SHC3: variants seen among roughly 807,000 people sequenced by gnomAD.
SHC3 encodes SHC-transforming protein 3.
Under a neutral mutation model 60.4 loss-of-function variants are expected in SHC3, and 15 were observed. The observed-to-expected ratio is 0.25, with a 90% CI of 0.17 to 0.38. The LOEUF is 0.38. Among genes scored for constraint, SHC3 ranks in the 10% least tolerant of loss-of-function variants. The pLI is 1.00. For missense variants in SHC3, 677 were observed against 786.1 expected, an observed-to-expected ratio of 0.86 and a Z score of 1.66; for synonymous variants, 294 against 325.9, an observed-to-expected ratio of 0.90 and a Z score of 1.05.
intron 1 of SHC3, among the ~76,000 whole-genome samples, chr9:89,133,965 G>A (rs2118175298): frequency 6.6e-6 from 1 of 152,134 alleles, no homozygotes; most frequent in South Asian, 2.1e-4. Context: ...ATGAGGCCTG[G>A]GGACATGTGA....
intron 1 of SHC3, among the ~76,000 whole-genome samples, chr9:89,131,323 A>G (rs1229450382): frequency 6.6e-6 from 1 of 152,234 alleles, no homozygotes; most frequent in Non-Finnish European, 1.5e-5. Context: ...AAATTCTACC[A>G]GAGGTACAAA....
At chr9:89,020,427 T>C (rs2150612) in intron 11 of SHC3, among the ~76,000 whole-genome samples, 68,893 of 151,792 alleles carry the variant, frequency 0.45, 17,465 homozygotes, top group East Asian at 0.84. Context: ...GTCTGACTTG[T>C]CATATTCATC....
In SHC3 at chr9:89,038,375, A is replaced by G. The variant is rs867171628; in HGVS notation, c.1361-87T>C. 243 of 1,400,016 alleles carry G rather than the reference A, an allele frequency of 1.7e-4. No homozygotes were observed. The Middle Eastern group carries it at 4.3e-3, about 25-fold the overall frequency. 86.7% of individuals were successfully genotyped at this position (1,400,016 alleles called of 1,614,324 possible). On this transcript the variant is annotated intron_variant, in intron 10 of 11. Coordinates refer to ENST00000375835, the MANE Select transcript of SHC3 (RefSeq NM_016848.6). ...AAAAAAAAAAAATACAGTGAGAGAG[A>G]TGGAAATGCAAAGGCAACTCCTCCA... is the stretch of plus-strand genomic sequence containing the variant.
In SHC3 at chr9:89,141,453, T is replaced by C. The variant is rs191398825; in HGVS notation, c.475-28827A>G. ...ACTTTATGAAGGAGATAAACAGTGATTTTTACCATTCATTCAACTGGTTTG... is the reference window on the plus strand; with the variant it reads ...ACTTTATGAAGGAGATAAACAGTGACTTTTACCATTCATTCAACTGGTTTG... On this transcript the variant is annotated intron_variant, in intron 1 of 11. Transcript: ENST00000375835. 3.9e-4 allele frequency among the ~76,000 whole-genome samples: 59 copies of C among 152,298 alleles called. 2 individuals carry two copies. Among genetic ancestry groups the C allele is most frequent in the Admixed American group, 3.5e-3 (53 of 15,294 alleles).
intron 2 of SHC3, among the ~76,000 whole-genome samples, chr9:89,092,143 T>C (rs1207646426): frequency 6.6e-6 from 1 of 152,224 alleles, no homozygotes; most frequent in African/African-American, 2.4e-5. Context: ...CTTTCCTAAA[T>C]TGCATGTGAT....
chr9:89,129,777 C>A (rs187553897), intron 1 of SHC3, among the ~76,000 whole-genome samples: 2,090 of 152,256 alleles, frequency 0.014, 19 homozygotes, highest in Middle Eastern at 0.037. Context: ...TTGAAAGGAA[C>A]AACCAGTACC....
At chr9:89,146,273 C>T (rs1297964259) in intron 1 of SHC3, among the ~76,000 whole-genome samples, 1 of 151,956 alleles carries the variant, frequency 6.6e-6, no homozygotes, top group Admixed American at 6.6e-5. Context: ...AGGAGACTCT[C>T]TGGAACCTGG....
chr9:89,036,737 T>C (rs1824584735), intron 11 of SHC3, among the ~76,000 whole-genome samples: 1 of 152,120 alleles, frequency 6.6e-6, no homozygotes, highest in Admixed American at 6.5e-5. Flanking sequence ...GTTTGCAAAC[T>C]TCTTTTTTCT....
chr9:89,131,284 A>C (rs1006909531), intron 1 of SHC3, among the ~76,000 whole-genome samples: 2 of 152,192 alleles, frequency 1.3e-5, no homozygotes, highest in Non-Finnish European at 2.9e-5. Flanking sequence ...CCAACCAAAA[A>C]AAGTCCAAGA....
chr9:89,130,218 A>C (rs1826224298), intron 1 of SHC3, among the ~76,000 whole-genome samples: 1 of 152,256 alleles, frequency 6.6e-6, no homozygotes, highest in Non-Finnish European at 1.5e-5. Flanking sequence ...AGAGCTAACT[A>C]TCCTAAATAT....
intron 1 of SHC3, among the ~76,000 whole-genome samples, chr9:89,176,659 TTAAAA>T (rs1377795044): frequency 2.6e-5 from 4 of 152,218 alleles, no homozygotes; most frequent in Non-Finnish European, 5.9e-5. Context: ...TCAGTACCTC[TTAAAA>T]TAAACTCAAC....
At chr9:89,080,640 A>G (rs951342261) in intron 2 of SHC3, among the ~76,000 whole-genome samples, 5 of 151,890 alleles carry the variant, frequency 3.3e-5, no homozygotes, top group African/African-American at 9.7e-5. Context: ...TTGGGCTCCT[A>G]TCTCTTGCCT....
At chr9:89,066,634 TG>T (rs1564115712) in intron 5 of SHC3, among the ~76,000 whole-genome samples, 1 of 151,976 alleles carries the variant, frequency 6.6e-6, no homozygotes, top group Non-Finnish European at 1.5e-5. Flanking sequence ...TTCAAGACTC[TG>T]TGGGGCAACT....
intron 11 of SHC3, chr9:89,037,623 C>T (rs58447324): frequency 0.091 from 61,764 of 682,290 alleles, 6,504 homozygotes; most frequent in African/African-American, 0.43. Context: ...TTCAACTTTT[C>T]GAGATAAGCA....
intron 1 of SHC3, among the ~76,000 whole-genome samples, chr9:89,158,972 T>C (rs1587761404): frequency 6.6e-6 from 1 of 152,254 alleles, no homozygotes; most frequent in East Asian, 1.9e-4. Flanking sequence ...AGGCTGATAG[T>C]TGGAAACTCA....
intron 2 of SHC3, among the ~76,000 whole-genome samples, chr9:89,107,665 C>T (rs1300060386): frequency 6.6e-6 from 1 of 152,184 alleles, no homozygotes; most frequent in African/African-American, 2.4e-5. Flanking sequence ...TTAGTAAGAG[C>T]CTGTAAGGCT....
chr9:89,072,812 AT>A (rs747884626), intron 4 of SHC3, among the ~76,000 whole-genome samples: 1 of 152,214 alleles, frequency 6.6e-6, no homozygotes, highest in African/African-American at 2.4e-5. Context: ...CAGGATTTAT[AT>A]AGCTATAATC....
chr9:89,035,860 T>TATA (rs1336399611), intron 11 of SHC3, among the ~76,000 whole-genome samples: 67 of 100,376 alleles, frequency 6.7e-4, no homozygotes, highest in East Asian at 2.2e-3. Context: ...GATGTGTGTG[T>TATA]GTGTGTGTGT....
chr9:89,146,338 C>A (rs531786730), intron 1 of SHC3, among the ~76,000 whole-genome samples: 3 of 151,286 alleles, frequency 2.0e-5, no homozygotes, highest in Admixed American at 2.0e-4. Context: ...GCCTGGGTGA[C>A]GGAGCGAGAC....
Sources: gnomAD v4.1 joint callset for allele counts (sites outside exome capture counted in the v4.1 genomes callset) on GRCh38, gnomAD v4.1.1 for gene constraint, MANE v1.5 for transcripts, NCBI Gene and HGNC (gene_info 2026-07-23, HGNC 2026-07-21) for gene names.